HEATR5B: variants seen among roughly 807,000 people sequenced by gnomAD.
HEATR5B encodes HEAT repeat containing 5B.
A neutral mutation model predicts 224.1 loss-of-function variants in HEATR5B; 156 were observed. That is an observed-to-expected ratio of 0.70 (90% CI 0.61 to 0.80). HEATR5B has a LOEUF of 0.80. Among genes scored for constraint, HEATR5B ranks in the 30% least tolerant of loss-of-function variants. HEATR5B has a pLI of 0.00. For missense variants in HEATR5B, 2,323 were observed against 2,535.5 expected, an observed-to-expected ratio of 0.92 and a Z score of 1.80; for synonymous variants, 1,027 against 893.0, an observed-to-expected ratio of 1.15 and a Z score of -2.68.
chr2:37,029,022 C>A, intron 22 of HEATR5B, 102 bp from the exon 23 acceptor site: 1 of 1,124,196 alleles, frequency 8.9e-7, no homozygotes, highest in Non-Finnish European at 1.3e-6. Context: ...TTCACAACAG[C>A]CACAAAACCA....
chr2:37,020,588 G>T, intron 25 of HEATR5B, 67 bp downstream of exon 25: 1 of 1,188,720 alleles, frequency 8.4e-7, no homozygotes, highest in Non-Finnish European at 1.2e-6. Flanking sequence ...CCTCCAGGAA[G>T]TCTGCACTTC....
At chr2:36,987,333 G>A (rs1010801102) in intron 35 of HEATR5B, among the ~76,000 whole-genome samples, 2 of 151,678 alleles carry the variant, frequency 1.3e-5, no homozygotes, top group African/African-American at 4.8e-5. Context: ...GGAGGCTGAG[G>A]CAGGAGAATC....
chr2:37,014,146 C>T (rs183724848), intron 26 of HEATR5B, 126 bp from the exon 27 acceptor site: 123 of 478,998 alleles, frequency 2.6e-4, no homozygotes, highest in African/African-American at 2.4e-3. Flanking sequence ...ATAAACTACC[C>T]AATGCTATGC....
Position 37,006,555 on chromosome 2 carries a change from C to A in HEATR5B, c.4777+495G>T, listed in dbSNP as rs567798375. Among the ~76,000 whole-genome samples the A allele has an allele frequency of 2.6e-5, 4 of 152,296 alleles. No homozygotes were observed. The East Asian group carries it at 7.7e-4, about 29-fold the overall frequency. On this transcript the variant is annotated intron_variant, in intron 29 of 35. Coordinates refer to ENST00000233099, the MANE Select transcript of HEATR5B (RefSeq NM_019024.3). ...ACTTGGGAGGCTGAGGCAGGAGAAT[C>A]GCTTGAACCCAGGAGGCGGAGGTTG... is the stretch of plus-strand genomic sequence containing the variant.
chr2:37,066,039 T>G, intron 8 of HEATR5B, 129 bp from the exon 9 acceptor site: 1 of 721,662 alleles, frequency 1.4e-6, no homozygotes, highest in Non-Finnish European at 2.2e-6. Context: ...CAGTTATTTC[T>G]CAATAGAAAA....
At chr2:37,017,687 C>CAAAAAAAAAAAAAA (rs1056240189) in intron 26 of HEATR5B, among the ~76,000 whole-genome samples, 1 of 61,696 alleles carries the variant, frequency 1.6e-5, no homozygotes, top group African/African-American at 7.3e-5. Flanking sequence ...AATTCCGTCT[C>CAAAAAAAAAAAAAA]AAAAAAAAAA....
At position 37,045,460 on chromosome 2, in the gene HEATR5B, G is replaced by A. The variant is rs74917382; in HGVS notation, c.2697-4168C>T. On this transcript the variant is annotated intron_variant, in intron 18 of 35. Transcript: ENST00000233099. The stretch of plus-strand genomic sequence containing the variant: ...GGTCAGGGATGTTGCTCCCATTACT[G>A]AAGCAATATCGTTCCGAGGGCTTCA... Among the ~76,000 whole-genome samples, 592 of 152,258 alleles carry A rather than the reference G, an allele frequency of 3.9e-3. 1 individual carries two copies. The highest frequency in any genetic ancestry group is 5.5e-3 in the Non-Finnish European group (376 of 68,020).
At chr2:37,080,396 A>T (rs1672480993) in intron 2 of HEATR5B, among the ~76,000 whole-genome samples, 1 of 152,252 alleles carries the variant, frequency 6.6e-6, no homozygotes, top group South Asian at 2.1e-4. Context: ...AATAGGAAGC[A>T]GATGCAATAA....
At chr2:36,981,893 A>G (rs1665605534) in intron 35 of HEATR5B, 99 bp from the exon 36 acceptor site, 4 of 787,310 alleles carry the variant, frequency 5.1e-6, no homozygotes, top group Non-Finnish European at 8.0e-6. Flanking sequence ...ATAATAAAAT[A>G]TAAGTACACA....
intron 21 of HEATR5B, 105 bp downstream of exon 21, chr2:37,037,750 A>G (rs1669589766): frequency 1.4e-6 from 1 of 710,480 alleles, no homozygotes; most frequent in Non-Finnish European, 2.0e-6. Context: ...AAATACCCCA[A>G]GTACCCCAAA....
At chr2:36,985,113 T>G (rs906837406) in intron 35 of HEATR5B, among the ~76,000 whole-genome samples, 1 of 152,156 alleles carries the variant, frequency 6.6e-6, no homozygotes, top group African/African-American at 2.4e-5. Context: ...ATGAAAAAAG[T>G]TGAACGACTT....
chr2:37,020,230 T>C (rs1668384186), intron 25 of HEATR5B, among the ~76,000 whole-genome samples: 1 of 152,166 alleles, frequency 6.6e-6, no homozygotes, highest in South Asian at 2.1e-4. Context: ...ACTGTTGTTA[T>C]TAAGAGTTAA....
In HEATR5B at chr2:36,988,775, C is replaced by T. The variant is rs762591962; in HGVS notation, c.5782G>A (p.Ala1928Thr). The T allele has an allele frequency of 6.2e-7, 1 of 1,613,828 alleles. No individual in the cohort carries two copies. The highest frequency in any genetic ancestry group is 1.7e-5 in the Admixed American group (1 of 59,984). Reference protein sequence around the residue: ...ALSTPYIHSLAPIVVEKLKAV... With the variant: ...ALSTPYIHSLTPIVVEKLKAV... ...TTTAGCTTTTCAACCACTATTGGAG[C>T]TAATGAATGAATATAAGGAGTTGAA... is the stretch of plus-strand genomic sequence containing the variant. The change falls in exon 35 of 36, where the codon GCT becomes ACT. Residue 1928 changes from alanine to threonine, a missense_variant. Around this residue, in one of 12 missense-constraint regions of HEATR5B, gnomAD observed 844 missense variants for 812.9 expected, o/e 1.04. Transcript: ENST00000233099.
At chr2:36,984,938 C>A (rs1250720225) in intron 35 of HEATR5B, among the ~76,000 whole-genome samples, 1 of 152,040 alleles carries the variant, frequency 6.6e-6, no homozygotes, top group Non-Finnish European at 1.5e-5. Flanking sequence ...AGAAATGGGA[C>A]AAGATTTGAA....
At chr2:37,076,779 T>G (rs1672262991) in intron 4 of HEATR5B, 132 bp downstream of exon 4, 4 of 630,816 alleles carry the variant, frequency 6.3e-6, no homozygotes, top group South Asian at 2.1e-5. Context: ...AAGGGACAAG[T>G]AATAATTTGT....
At chr2:37,013,753 A>G in intron 27 of HEATR5B, 88 bp downstream of exon 27, 1 of 1,240,914 alleles carries the variant, frequency 8.1e-7, no homozygotes, top group Non-Finnish European at 1.1e-6. Context: ...TTAAAAAACA[A>G]AAATTTTTTT....
intron 32 of HEATR5B, among the ~76,000 whole-genome samples, chr2:37,001,024 T>C (rs1388039206): frequency 2.0e-5 from 3 of 152,220 alleles, no homozygotes; most frequent in East Asian, 3.8e-4. Flanking sequence ...AGAATTGGTA[T>C]TTTCTTTCTT....
chr2:37,009,584 AG>A (rs1473019466), intron 27 of HEATR5B, among the ~76,000 whole-genome samples: 1 of 151,556 alleles, frequency 6.6e-6, no homozygotes, highest in Non-Finnish European at 1.5e-5. Context: ...TCTCAAAAAA[AG>A]AAAAAAAAAA....
In HEATR5B at chr2:37,000,871, T is replaced by C. The variant is rs1007513828; in HGVS notation, c.5318-58A>G. The C allele has an allele frequency of 3.5e-6, 4 of 1,146,780 alleles. No homozygotes were observed. In the East Asian group the frequency reaches 7.1e-5, roughly 20 times the overall value. The allele number at this position is 1,146,780 out of a possible 1,614,324, so 71.0% of individuals were successfully genotyped here. A position where few individuals can be genotyped will look rare whatever the true frequency, so the allele number is the denominator to read the frequency against. Reference sequence around the variant, plus strand: ...CTATTCAGTTCCCATATTATAGTTGTTTTCATTGCTTGTATTTTTTGCATT... The same window carrying C: ...CTATTCAGTTCCCATATTATAGTTGCTTTCATTGCTTGTATTTTTTGCATT... On this transcript the variant is annotated intron_variant, in intron 32 of 35. Transcript: ENST00000233099.
Sources: allele counts gnomAD v4.1 joint callset (sites outside exome capture counted in the v4.1 genomes callset), GRCh38; gene constraint gnomAD v4.1.1; regional missense constraint gnomAD v4.1.1; transcripts MANE v1.5; gene names NCBI Gene and HGNC (gene_info 2026-07-23, HGNC 2026-07-21).